The following ZFPM2 variants were observed in gnomAD, a reference collection of about 807,000 sequenced individuals.
The protein encoded by ZFPM2 is zinc finger protein, FOG family member 2.
Under a neutral mutation model 98.6 loss-of-function variants are expected in ZFPM2, and 20 were observed. That is an observed-to-expected ratio of 0.20 (90% CI 0.14 to 0.29). ZFPM2 has a LOEUF of 0.29. ZFPM2 is among the 10% of genes least tolerant of loss of function. ZFPM2 has a pLI of 1.00. For missense variants in ZFPM2, 1,310 were observed against 1,388.6 expected (o/e 0.94, Z 0.90); for synonymous variants, 518 against 502.7 (o/e 1.03, Z -0.41).
Position 105,798,838 on chromosome 8 carries a change from A to G in ZFPM2, c.854A>G (p.Glu285Gly), listed in dbSNP as rs760367389. 1 of 1,613,996 alleles carries G rather than the reference A, an allele frequency of 6.2e-7. No homozygotes were observed. Among genetic ancestry groups the G allele is most frequent in the Non-Finnish European group, 8.5e-7 (1 of 1,179,882 alleles). ...GRQREAAPVSEENEDSAHQIS... is the reference protein window; with the variant it reads ...GRQREAAPVSGENEDSAHQIS... ...CAAAGAGAAGCTGCTCCGGTGTCAG[A>G]GGAAAATGAAGACAGTGCCCATCAG... is the stretch of plus-strand genomic sequence containing the variant. Residue 285 changes from glutamate (E) to glycine (G), a missense_variant, in exon 7 of 8, where the codon GAG becomes GGG. Coordinates refer to ENST00000407775, the MANE Select transcript of ZFPM2 (RefSeq NM_012082.4).
In ZFPM2 at chr8:105,694,938, G is replaced by C. The variant is rs1231497584; in HGVS notation, c.532+60581G>C. Among the ~76,000 whole-genome samples, 14 of 151,980 alleles carry C rather than the reference G, an allele frequency of 9.2e-5. 1 individual carries two copies. Among genetic ancestry groups the C allele is most frequent in the Non-Finnish European group, 5.9e-5 (4 of 67,982 alleles). On this transcript the variant is annotated intron_variant, in intron 5 of 7. Coordinates refer to ENST00000407775, the MANE Select transcript of ZFPM2 (RefSeq NM_012082.4). ...TTATTGAGAATTGACTCTGAGCCAG[G>C]ACAATCCATATGACTCAAATATATT...
chr8:105,566,637 G>T (rs906816412), intron 4 of ZFPM2, among the ~76,000 whole-genome samples: 1 of 152,142 alleles, frequency 6.6e-6, no homozygotes, highest in Non-Finnish European at 1.5e-5. Flanking sequence ...GGAAGGTTGG[G>T]TGTCTGAAAT....
intron 5 of ZFPM2, among the ~76,000 whole-genome samples, chr8:105,657,921 A>G (rs573240296): frequency 6.6e-6 from 1 of 152,336 alleles, no homozygotes; most frequent in Non-Finnish European, 1.5e-5. Flanking sequence ...CAGTGGTTCA[A>G]ATCTAAACAA....
At chr8:105,377,605 TCCAAAAAA>T (rs1268157556) in intron 1 of ZFPM2, among the ~76,000 whole-genome samples, 780 of 9,812 alleles carry the variant, frequency 0.079, 38 homozygotes, top group Middle Eastern at 0.33. Context: ...TTCTTAAAAA[TCCAAAAAA>T]AAAAAAAAAA....
chr8:105,470,231 C>T (rs1234562617), intron 3 of ZFPM2, among the ~76,000 whole-genome samples: 1 of 152,100 alleles, frequency 6.6e-6, no homozygotes, highest in African/African-American at 2.4e-5. Flanking sequence ...ATGGATAGCA[C>T]AGGGCTTAAT....
chr8:105,384,056 G>A (rs1810938284), intron 1 of ZFPM2, among the ~76,000 whole-genome samples: 1 of 152,086 alleles, frequency 6.6e-6, no homozygotes, highest in East Asian at 1.9e-4. Flanking sequence ...TTAATTTTAT[G>A]TGGTAGGATA....
chr8:105,641,927 T>TAGAAA (rs1816955920), intron 5 of ZFPM2, among the ~76,000 whole-genome samples: 2 of 152,048 alleles, frequency 1.3e-5, no homozygotes, highest in Admixed American at 1.3e-4. Flanking sequence ...GAAGCTTCTG[T>TAGAAA]CTCTTAACGG....
intron 1 of ZFPM2, among the ~76,000 whole-genome samples, chr8:105,391,436 A>G (rs1429640244): frequency 2.6e-5 from 4 of 152,176 alleles, no homozygotes; most frequent in African/African-American, 9.6e-5. Flanking sequence ...AAATAAGACA[A>G]CGATGAAGTT....
chr8:105,794,558 CG>C (rs1813731261), intron 6 of ZFPM2, among the ~76,000 whole-genome samples: 1 of 152,230 alleles, frequency 6.6e-6, no homozygotes, highest in African/African-American at 2.4e-5. Context: ...AGGCAGTCTG[CG>C]GGTTCTCAGA....
intron 4 of ZFPM2, among the ~76,000 whole-genome samples, chr8:105,609,407 A>G (rs548338484): frequency 1.3e-5 from 2 of 152,286 alleles, no homozygotes; most frequent in South Asian, 4.1e-4. Context: ...CATTCTAGAA[A>G]GGTTTGGAAG....
chr8:105,691,061 C>G (rs1283971858), intron 5 of ZFPM2: 1 of 151,976 alleles, frequency 6.6e-6, no homozygotes, highest in African/African-American at 2.4e-5. Context: ...TTCTTATTAT[C>G]CTCTCCTACT....
intron 3 of ZFPM2, among the ~76,000 whole-genome samples, chr8:105,446,218 C>T (rs1356504420): frequency 6.6e-6 from 1 of 152,088 alleles, no homozygotes; most frequent in Non-Finnish European, 1.5e-5. Flanking sequence ...CCGTGCCCGG[C>T]GATAGTTCCT....
intron 3 of ZFPM2, among the ~76,000 whole-genome samples, chr8:105,467,022 CTGTATCTCT>C (rs1812808406): frequency 6.6e-6 from 1 of 152,054 alleles, no homozygotes. Flanking sequence ...TGCCTACCTC[CTGTATCTCT>C]TGTGAGCATT....
chr8:105,567,541 C>A (rs1355639007), intron 4 of ZFPM2, among the ~76,000 whole-genome samples: 1 of 151,950 alleles, frequency 6.6e-6, no homozygotes, highest in African/African-American at 2.4e-5. Flanking sequence ...TTCGCCACAA[C>A]CTTACTGGAA....
intron 1 of ZFPM2, among the ~76,000 whole-genome samples, chr8:105,336,891 A>T (rs1812337691): frequency 6.6e-6 from 1 of 151,824 alleles, no homozygotes; most frequent in Non-Finnish European, 1.5e-5. Flanking sequence ...TAAATAACAC[A>T]GGGTGCTTTG....
intron 5 of ZFPM2, chr8:105,685,684 T>C (rs1026317427): frequency 2.0e-5 from 3 of 152,126 alleles, no homozygotes; most frequent in Non-Finnish European, 2.9e-5. Context: ...ATTGCAACTT[T>C]TGCATTTCAC....
chr8:105,408,810 G>A (rs1043925680), intron 1 of ZFPM2, among the ~76,000 whole-genome samples: 6 of 151,786 alleles, frequency 4.0e-5, no homozygotes, highest in African/African-American at 1.2e-4. Flanking sequence ...GGAGCAGGAG[G>A]CACACCTATT....
chr8:105,553,515 G>A (rs148412280), intron 3 of ZFPM2, among the ~76,000 whole-genome samples: 51 of 152,164 alleles, frequency 3.4e-4, no homozygotes, highest in Admixed American at 3.3e-3. Flanking sequence ...TGAATTCATC[G>A]CATGAAAAGG....
intron 4 of ZFPM2, among the ~76,000 whole-genome samples, chr8:105,568,674 T>G (rs1291060515): frequency 6.6e-6 from 1 of 152,112 alleles, no homozygotes; most frequent in Non-Finnish European, 1.5e-5. Context: ...TGTTCTCTCT[T>G]GTCATCTTTT....
Sources: gnomAD v4.1 joint callset for allele counts (sites outside exome capture counted in the v4.1 genomes callset) on GRCh38, gnomAD v4.1.1 for gene constraint, MANE v1.5 for transcripts, NCBI Gene and HGNC (gene_info 2026-07-23, HGNC 2026-07-21) for gene names.